The following GADL1 variants were observed in gnomAD, a reference collection of about 807,000 sequenced individuals.
GADL1 encodes the protein GAD like acidic amino acid decarboxylase 1, also known as acidic amino acid decarboxylase GADL1.
In GADL1, 71 loss-of-function variants were observed where a neutral mutation model predicts 69.5. The observed-to-expected ratio is 1.02, with a 90% CI of 0.84 to 1.25. The LOEUF (loss-of-function observed/expected upper bound fraction) is 1.25. GADL1 is among the 50% of genes most tolerant of loss of function. The pLI, the probability that GADL1 is intolerant of heterozygous loss-of-function variation, is 0.00. For synonymous variants in GADL1, 254 were observed against 214.4 expected, an observed-to-expected ratio of 1.18 and a Z score of -1.62; for missense variants, 737 against 631.8, an observed-to-expected ratio of 1.17 and a Z score of -1.79.
intron 5 of GADL1, 25 bp from the exon 6 acceptor site, chr3:30,850,136 A>T: frequency 7.9e-7 from 1 of 1,265,818 alleles, no homozygotes; most frequent in Non-Finnish European, 1.2e-6. Flanking sequence ...TTAAAATGGC[A>T]TATTTATAGC....
chr3:30,829,629 G>A (rs187472975), intron 11 of GADL1, among the ~76,000 whole-genome samples: 36 of 151,928 alleles, frequency 2.4e-4, no homozygotes, highest in African/African-American at 8.4e-4. Context: ...TGGGGTAAGG[G>A]AAAAATTCAA....
chr3:30,861,659 A>G lies in GADL1; in HGVS notation c.144T>C (p.Phe48=), dbSNP rs761348202. ...PTTDAKAGEK[F]VEEACRLIME... is the part of the protein sequence containing the mutation. ...TTATTAGCCTACAGGCCTCTTCAACAAATTTTTCTCCAGCTTTTGCATCTG... is the reference window on the plus strand; with the variant it reads ...TTATTAGCCTACAGGCCTCTTCAACGAATTTTTCTCCAGCTTTTGCATCTG... The change falls in exon 2 of 15, where the codon TTT becomes TTC. Residue 48 remains phenylalanine (F), a synonymous_variant. Coordinates refer to ENST00000282538, the MANE Select transcript of GADL1 (RefSeq NM_207359.3). 1.6e-5 allele frequency: 25 copies of G among 1,550,328 alleles called. No homozygotes were observed. The highest frequency in any genetic ancestry group is 8.7e-7 in the Non-Finnish European group (1 of 1,146,066).
chr3:30,880,522 C>A (rs13325942), intron 1 of GADL1, among the ~76,000 whole-genome samples: 7,004 of 151,968 alleles, frequency 0.046, 572 homozygotes, highest in African/African-American at 0.16. Context: ...GTAAGATGTG[C>A]CTTTGCTCCT....
chr3:30,867,028 C>T (rs967029772), intron 1 of GADL1, among the ~76,000 whole-genome samples: 1 of 152,088 alleles, frequency 6.6e-6, no homozygotes, highest in Non-Finnish European at 1.5e-5. Flanking sequence ...CTTGATCACT[C>T]CCAAGTTCTC....
chr3:30,894,475 C>T, intron 1 of GADL1, 103 bp downstream of exon 1: 1 of 950,350 alleles, frequency 1.1e-6, no homozygotes, highest in Non-Finnish European at 1.6e-6. Flanking sequence ...AGCCGCTTTA[C>T]AAAGAAATAA....
intron 14 of GADL1, among the ~76,000 whole-genome samples, chr3:30,748,930 ATAT>A (rs1244295691): frequency 5.9e-5 from 9 of 152,228 alleles, no homozygotes; most frequent in Admixed American, 5.9e-4. Context: ...CACTGAATAA[ATAT>A]TATATGACTG....
intron 3 of GADL1, 40 bp downstream of exon 3, chr3:30,856,975 G>C (rs748395335): frequency 5.9e-6 from 9 of 1,513,252 alleles, no homozygotes; most frequent in Middle Eastern, 1.8e-4. Flanking sequence ...ATAAGAACTT[G>C]TCAGAGGTAC....
intron 1 of GADL1, among the ~76,000 whole-genome samples, chr3:30,883,768 C>G (rs1698672280): frequency 6.6e-6 from 1 of 151,880 alleles, no homozygotes; most frequent in Non-Finnish European, 1.5e-5. Context: ...ATTTTCTAAT[C>G]CATGAACACA....
chr3:30,753,250 T>C (rs1695876577), intron 14 of GADL1, among the ~76,000 whole-genome samples: 1 of 152,174 alleles, frequency 6.6e-6, no homozygotes, highest in Non-Finnish European at 1.5e-5. Flanking sequence ...ATAGTTCCAA[T>C]CTACGTTACA....
At chr3:30,875,853 G>A (rs960944181) in intron 1 of GADL1, among the ~76,000 whole-genome samples, 2 of 151,726 alleles carry the variant, frequency 1.3e-5, no homozygotes, top group African/African-American at 2.4e-5. Context: ...CTAGATGCTT[G>A]GTTATTGATC....
At chr3:30,824,715 A>G (rs1002261729) in intron 11 of GADL1, among the ~76,000 whole-genome samples, 1 of 150,760 alleles carries the variant, frequency 6.6e-6, no homozygotes, top group African/African-American at 2.5e-5. Flanking sequence ...TTCTATTTGT[A>G]TAAAATTCAA....
At chr3:30,760,120 TA>T (rs1354576377) in intron 14 of GADL1, among the ~76,000 whole-genome samples, 1 of 152,188 alleles carries the variant, frequency 6.6e-6, no homozygotes, top group African/African-American at 2.4e-5. Flanking sequence ...TCTAGAGAAA[TA>T]ATTCTTTCAA....
chr3:30,863,053 ACT>A (rs60151925), intron 1 of GADL1, among the ~76,000 whole-genome samples: 18,660 of 149,230 alleles, frequency 0.13, 1,298 homozygotes, highest in South Asian at 0.17. Context: ...ACACACACAC[ACT>A]CTCTCTCACA....
rs373853814 is a variant in GADL1 at position 30,766,352 on chromosome 3, C to T, written c.1392+11827G>A. Reference sequence around the variant, plus strand: ...GCAACCAGCACAGTCACACAAGCTCCTGAGCTGACAAGGGGCCCCATGCTT... The same window carrying T: ...GCAACCAGCACAGTCACACAAGCTCTTGAGCTGACAAGGGGCCCCATGCTT... On this transcript the variant is annotated intron_variant, in intron 14 of 14. Coordinates refer to ENST00000282538, the MANE Select transcript of GADL1 (RefSeq NM_207359.3). 1.1e-4 allele frequency among the ~76,000 whole-genome samples: 16 copies of T among 152,278 alleles called. No individual in the cohort carries two copies. The South Asian group carries it at 3.3e-3, about 32-fold the overall frequency.
chr3:30,734,560 T>G (rs933895992), intron 14 of GADL1, among the ~76,000 whole-genome samples: 3 of 152,176 alleles, frequency 2.0e-5, no homozygotes, highest in African/African-American at 4.8e-5. Context: ...AGCATTTCCT[T>G]ATCGTCCAAA....
chr3:30,767,578 T>C (rs1229924507), intron 14 of GADL1, among the ~76,000 whole-genome samples: 1 of 152,146 alleles, frequency 6.6e-6, no homozygotes, highest in Non-Finnish European at 1.5e-5. Flanking sequence ...TACACTAAAA[T>C]AACTTCTACA....
chr3:30,766,526 C>T (rs1192774352), intron 14 of GADL1, among the ~76,000 whole-genome samples: 1 of 151,622 alleles, frequency 6.6e-6, no homozygotes, highest in Non-Finnish European at 1.5e-5. Flanking sequence ...CTATTTAGTC[C>T]CTGAAAATCC....
At chr3:30,751,387 CTG>C (rs139276910) in intron 14 of GADL1, among the ~76,000 whole-genome samples, 3 of 152,100 alleles carry the variant, frequency 2.0e-5, no homozygotes, top group East Asian at 3.9e-4. Flanking sequence ...TTCGCTCAGT[CTG>C]TGCTTTTTCT....
rs138039640 is a variant in GADL1, at chr3:30,756,385, ACT to A, written c.1392+21792_1392+21793del. The stretch of plus-strand genomic sequence containing the variant: ...GTAAACACTTGTCAAGCCATAAAAC[ACT>A]CTATAATGTATAAAGTTATAAAGGC... On this transcript the variant is annotated intron_variant, in intron 14 of 14. Transcript: ENST00000282538. Among the ~76,000 whole-genome samples the A allele has an allele frequency of 8.5e-3, 1,293 of 152,034 alleles. 14 individuals are homozygous for A. Among genetic ancestry groups the A allele is most frequent in the African/African-American group, 0.028 (1,173 of 41,342 alleles).
Sources: allele counts gnomAD v4.1 joint callset (sites outside exome capture counted in the v4.1 genomes callset), GRCh38; gene constraint gnomAD v4.1.1; transcripts MANE v1.5; gene names NCBI Gene and HGNC (gene_info 2026-07-23, HGNC 2026-07-21).